TTN: variants seen among roughly 807,000 people sequenced by gnomAD.
The protein encoded by TTN is connectin.
A neutral mutation model predicts 3,223.0 loss-of-function variants in TTN; 1,525 were observed. The observed-to-expected ratio is 0.47, with a 90% CI of 0.45 to 0.49. The LOEUF (loss-of-function observed/expected upper bound fraction) is 0.49. Among genes scored for constraint, TTN ranks in the 20% least tolerant of loss-of-function variants. The pLI is 0.00. For synonymous variants in TTN, 14,094 were observed against 15,161.0 expected (o/e 0.93, Z 5.17); for missense variants, 40,786 against 43,424.0 (o/e 0.94, Z 5.40).
At chr2:178,762,338 G>A (rs1349040192) in intron 43 of TTN, among the ~76,000 whole-genome samples, 1 of 152,188 alleles carries the variant, frequency 6.6e-6, no homozygotes, top group African/African-American at 2.4e-5. Context: ...CACATAGGAA[G>A]TTAATGATCT....
Position 178,757,786 on chromosome 2 carries a change from G to C in TTN, c.10434C>G (p.Asn3478Lys). ...IQPLSSLRVHNGETVRFHARV... is the reference protein window; with the variant it reads ...IQPLSSLRVHKGETVRFHARV... Reference sequence around the variant, plus strand: ...TCGCATGAAATCTGACTGTCTCCCCGTTGTGCACCCTGAGGCTTGACAGAG... The same window carrying C: ...TCGCATGAAATCTGACTGTCTCCCCCTTGTGCACCCTGAGGCTTGACAGAG... The change falls in exon 45 of 363, where the codon AAC becomes AAG. Residue 3478 changes from asparagine to lysine, a missense_variant. Transcript: ENST00000589042. 2 of 1,613,668 alleles carry C rather than the reference G, an allele frequency of 1.2e-6. No individual in the cohort carries two copies. Among genetic ancestry groups the C allele is most frequent in the South Asian group, 1.1e-5 (1 of 91,052 alleles).
Position 178,730,511 on chromosome 2 carries a change from C to T in TTN, c.18022G>A (p.Val6008Ile). The T allele has an allele frequency of 6.3e-7, 1 of 1,595,232 alleles. No homozygotes were observed. Among genetic ancestry groups the T allele is most frequent in the Non-Finnish European group, 8.6e-7 (1 of 1,168,424 alleles). The change falls in exon 61 of 363, where the codon GTC (valine) becomes ATC (isoleucine). Residue 6008 changes from valine to isoleucine, a missense_variant. Coordinates refer to ENST00000589042, the MANE Select transcript of TTN (RefSeq NM_001267550.2). ...GGAAATAAAATTTGCCAACCTTTGA[C>T]TGTCAGATGCCCACTGCATTGGTTG... ...GHNQCSGHLT[V>I]KEPPYFVEKP...
rs377682563 is a variant in TTN, at chr2:178,593,724, C to T, written c.58576G>A (p.Val19526Ile). The T allele has an allele frequency of 3.3e-4, 533 of 1,613,314 alleles. 2 individuals are homozygous for T. The highest frequency in any genetic ancestry group is 4.2e-4 in the Non-Finnish European group (498 of 1,179,594). ...IIEKKEVGKD[V>I]WMPVTSASAK... Reference sequence around the variant, plus strand: ...CTTGCAGATGTCACTGGCATCCAGACGTCTTTACCCACTTCCTTCTTCTCA... The same window carrying T: ...CTTGCAGATGTCACTGGCATCCAGATGTCTTTACCCACTTCCTTCTTCTCA... Residue 19526 changes from valine to isoleucine, a missense_variant, in exon 298 of 363, where the codon GTC becomes ATC. Val to Ile is a conservative substitution (Grantham distance 29, BLOSUM62 3). Transcript: ENST00000589042.
Position 178,679,521 on chromosome 2 carries a change from G to A in TTN, c.33664+78C>T, listed in dbSNP as rs973977052. On this transcript the variant is annotated intron_variant, in intron 141 of 362. Transcript: ENST00000589042. Reference sequence around the variant, plus strand: ...CAACGGACAGTGACACACACACAAGGTTTTGAACTCAGAAGAAAGTTAACT... The same window carrying A: ...CAACGGACAGTGACACACACACAAGATTTTGAACTCAGAAGAAAGTTAACT... 6.9e-6 allele frequency: 11 copies of A among 1,584,296 alleles called. No individual in the cohort carries two copies. In the African/African-American group the frequency reaches 1.1e-4, roughly 16 times the overall value.
At chr2:178,625,751 T>C (rs12988307) in intron 240 of TTN, among the ~76,000 whole-genome samples, 40,291 of 151,794 alleles carry the variant, frequency 0.27, 6,234 homozygotes, top group East Asian at 0.68. Flanking sequence ...ATGTTTATTG[T>C]GGCATTATTC....
rs1294718974 is a variant in TTN at position 178,537,173 on chromosome 2, C to T, written c.99936G>A (p.Trp33312Ter). The change falls in exon 356 of 363, where the codon TGG becomes TGA. Residue 33312 changes from tryptophan to a stop codon, truncating the protein, a stop_gained. Transcript: ENST00000589042. LOFTEE classifies it high-confidence loss of function. ...ALLKNSAVIS[W>*]KPPADDGGSW... is the part of the protein sequence containing the mutation. ...AGCCTCCGTCATCTGCGGGTGGTTT[C>T]CAGCTGATCACTGCGGAGTTCTTCA... 2.5e-6 allele frequency: 4 copies of T among 1,613,524 alleles called. No individual in the cohort carries two copies. The highest frequency in any genetic ancestry group is 3.4e-6 in the Non-Finnish European group (4 of 1,179,736).
rs1163488355 is a variant in TTN at position 178,634,289 on chromosome 2, G to C, written c.42415+77C>G. ...TAGTGATGCATTATCACAGCTTTTA[G>C]AACTTGGCGTCCTATCTTTAAAGTC... On this transcript the variant is annotated intron_variant, in intron 230 of 362. Coordinates refer to ENST00000589042, the MANE Select transcript of TTN (RefSeq NM_001267550.2). The surrounding 1 kb of genome is among the most constrained non-coding windows in gnomAD (Gnocchi z 4.6). 4 of 1,539,874 alleles carry C rather than the reference G, an allele frequency of 2.6e-6. No homozygotes were observed.
intron 89 of TTN, 46 bp from the exon 90 acceptor site, chr2:178,715,310 T>C (rs1307961531): frequency 3.3e-6 from 5 of 1,536,856 alleles, no homozygotes; most frequent in Admixed American, 2.1e-5. Context: ...TGTAAGTATA[T>C]AGTTAAAAGT....
rs761580423 is a variant in TTN at position 178,589,342 on chromosome 2, C to T, written c.62383G>A (p.Gly20795Ser). 1.2e-5 allele frequency: 20 copies of T among 1,613,032 alleles called. 1 individual carries two copies. The South Asian group carries it at 1.9e-4, about 15-fold the overall frequency. Residue 20795 changes from glycine to serine, a missense_variant, in exon 304 of 363, where the codon GGC becomes AGC. By Grantham distance (56) the Gly-to-Ser change is moderately conservative (BLOSUM62 0). Transcript: ENST00000589042. ...CATGCAACTTCTGGGAATGGTTTGC[C>T]TCTAACCCCTGCCTCAAGCCTAATG... is the stretch of plus-strand genomic sequence containing the variant. ...DTIRLEAGVR[G>S]KPFPEVAWTK...
In TTN at chr2:178,697,111, C is replaced by T. The variant is rs1335177052; in HGVS notation, c.30802+10G>A. The stretch of plus-strand genomic sequence containing the variant: ...AATAAACAGAATAAAAATAATTTAT[C>T]TTTATTTACCTTTTGCTGGAATTAA... On this transcript the variant is annotated intron_variant, in intron 113 of 362. Transcript: ENST00000589042. 1 of 1,536,566 alleles carries T rather than the reference C, an allele frequency of 6.5e-7. No homozygotes were observed. The highest frequency in any genetic ancestry group is 8.8e-7 in the Non-Finnish European group (1 of 1,134,560).
chr2:178,607,120 G>C lies in TTN; in HGVS notation c.53482C>G (p.Leu17828Val). The C allele has an allele frequency of 6.2e-7, 1 of 1,612,778 alleles. No individual in the cohort carries two copies. Among genetic ancestry groups the C allele is most frequent in the Non-Finnish European group, 8.5e-7 (1 of 1,179,236 alleles). ...CGGAACTTATATTCTTGTCCCTCAA[G>C]CAGACCTGTGATGTCACATTTAGAT... is the stretch of plus-strand genomic sequence containing the variant. Reference protein sequence around the residue: ...ERSKCDITGLLEGQEYKFRVI... With the variant: ...ERSKCDITGLVEGQEYKFRVI... Residue 17828 changes from leucine (L) to valine (V), a missense_variant, in exon 278 of 363, where the codon CTT becomes GTT. Physicochemically the swap from Leu to Val is conservative, Grantham distance 32 (BLOSUM62 1). Transcript: ENST00000589042.
intron 15 of TTN, 26 bp downstream of exon 15, chr2:178,785,594 C>A: frequency 6.2e-7 from 1 of 1,613,666 alleles, no homozygotes; most frequent in Non-Finnish European, 8.5e-7. Flanking sequence ...TTAAACATTT[C>A]TGTATCATGC....
At position 178,540,287 on chromosome 2, in the gene TTN, C is replaced by T; in HGVS notation, c.97879G>A (p.Glu32627Lys). The change falls in exon 351 of 363, where the codon GAA becomes AAA. Residue 32627 changes from glutamate (E) to lysine (K), a missense_variant. Glu to Lys is a moderately conservative substitution (Grantham distance 56). Transcript: ENST00000589042. ...TAGCCTGTGACTTTAGATCCTCCTT[C>T]ATCTTCTGGAACACTCCAGGCCAGG... The part of the protein sequence containing the change: ...VSLAWSVPED[E>K]GGSKVTGYLI... 6.2e-7 allele frequency: 1 copy of T among 1,613,838 alleles called. No individual in the cohort carries two copies. The highest frequency in any genetic ancestry group is 1.1e-5 in the South Asian group (1 of 91,084).
At chr2:178,529,862 A>G in intron 359 of TTN, 98 bp downstream of exon 359, 2 of 1,266,328 alleles carry the variant, frequency 1.6e-6, no homozygotes, top group Non-Finnish European at 2.2e-6. Flanking sequence ...ATTTTATTTT[A>G]ATACTTTCTT....
In TTN at chr2:178,605,617, G is replaced by T; in HGVS notation, c.53678C>A (p.Pro17893His). 1 of 1,612,014 alleles carries T rather than the reference G, an allele frequency of 6.2e-7. No individual in the cohort carries two copies. Among genetic ancestry groups the T allele is most frequent in the Non-Finnish European group, 8.5e-7 (1 of 1,178,706 alleles). ...WKEPRSNGGS[P>H]IQGYIIEKRR... ...TTTTTCAATGATATATCCTTGGATG[G>T]GACTGCCACCATTACTGCGGGGCTC... The change falls in exon 279 of 363, where the codon CCC (proline) becomes CAC (histidine). Residue 17893 changes from proline (P) to histidine (H), a missense_variant. Physicochemically the swap from Pro to His is moderately conservative, Grantham distance 77. Transcript: ENST00000589042.
intron 242 of TTN, among the ~76,000 whole-genome samples, chr2:178,623,271 G>T (rs1559894397): frequency 6.6e-6 from 1 of 151,736 alleles, no homozygotes; most frequent in East Asian, 2.0e-4. Context: ...CATACATTTA[G>T]CTTTTTAAAA....
rs750534558 is a variant in TTN at position 178,533,223 on chromosome 2, C to T, written c.103392G>A (p.Lys34464=). The T allele has an allele frequency of 1.2e-6, 2 of 1,613,944 alleles. No homozygotes were observed. Among genetic ancestry groups the T allele is most frequent in the African/African-American group, 1.3e-5 (1 of 75,040 alleles). ...CGTGTCGCTCATGCTCCTCCTTACT[C>T]TTGAATTCCTGTTTCTTGTACCTCA... ...ERLRYKKQEF[K]SKEEHERHVQ... Residue 34464 remains lysine (K), a synonymous_variant, in exon 358 of 363, where the codon AAG becomes AAA. Coordinates refer to ENST00000589042, the MANE Select transcript of TTN (RefSeq NM_001267550.2).
chr2:178,603,961 G>A lies in TTN; in HGVS notation c.54726C>T (p.Tyr18242=). The change falls in exon 282 of 363, where the codon TAC becomes TAT. Residue 18242 remains tyrosine, a synonymous_variant. Coordinates refer to ENST00000589042, the MANE Select transcript of TTN (RefSeq NM_001267550.2). ...NVPRLLEGVK[Y]QFRAMAINAA... is the part of the protein sequence containing the mutation. Reference sequence around the variant, plus strand: ...CATTTATTGCCATGGCTCTGAACTGGTATTTAACGCCTTCAAGCAAACGAG... The same window carrying A: ...CATTTATTGCCATGGCTCTGAACTGATATTTAACGCCTTCAAGCAAACGAG... The A allele has an allele frequency of 6.2e-7, 1 of 1,612,608 alleles. No individual in the cohort carries two copies. Among genetic ancestry groups the A allele is most frequent in the Admixed American group, 1.7e-5 (1 of 59,950 alleles).
Position 178,549,785 on chromosome 2 carries a change from T to A in TTN, c.91937A>T (p.Asn30646Ile). The part of the protein sequence containing the change: ...KMTLWWDAPL[N>I]DGCAPITHYI... ...GTGGGTTATGGGAGCACAACCGTCA[T>A]TGAGTGGGGCATCCCACCACAGAGT... The change falls in exon 338 of 363, where the codon AAT becomes ATT. Residue 30646 changes from asparagine (N) to isoleucine (I), a missense_variant. Transcript: ENST00000589042. 1.2e-6 allele frequency: 2 copies of A among 1,612,010 alleles called. No homozygotes were observed. The highest frequency in any genetic ancestry group is 1.7e-6 in the Non-Finnish European group (2 of 1,178,308).
Sources: allele counts gnomAD v4.1 joint callset (sites outside exome capture counted in the v4.1 genomes callset), GRCh38; gene constraint gnomAD v4.1.1; non-coding constraint Gnocchi (gnomAD v3.1); transcripts MANE v1.5; gene names NCBI Gene and HGNC (gene_info 2026-07-23, HGNC 2026-07-21).